UVRAG: variants seen among roughly 807,000 people sequenced by gnomAD.
UVRAG encodes the protein UV radiation resistance-associated gene protein.
Under a neutral mutation model 78.0 loss-of-function variants are expected in UVRAG, and 19 were observed. That is an observed-to-expected ratio of 0.24 (90% CI 0.17 to 0.36). The LOEUF (loss-of-function observed/expected upper bound fraction) is 0.36. Among genes scored for constraint, UVRAG ranks in the 10% least tolerant of loss-of-function variants. UVRAG has a pLI of 1.00. For synonymous variants in UVRAG, 323 were observed against 324.6 expected, an observed-to-expected ratio of 1.00 and a Z score of 0.05; for missense variants, 740 against 853.8, an observed-to-expected ratio of 0.87 and a Z score of 1.66.
chr11:76,121,151 A>G (rs1952266776), intron 14 of UVRAG, among the ~76,000 whole-genome samples: 1 of 152,200 alleles, frequency 6.6e-6, no homozygotes, highest in Non-Finnish European at 1.5e-5. Flanking sequence ...TTAATAAAGT[A>G]ATTCTTTTTC....
chr11:75,989,000 G>GT (rs1337216067), intron 8 of UVRAG, among the ~76,000 whole-genome samples: 1 of 151,926 alleles, frequency 6.6e-6, no homozygotes, highest in African/African-American at 2.4e-5. Flanking sequence ...CGCTTTATAT[G>GT]TTTTTTCTTC....
chr11:76,128,748 G>C (rs573786169), intron 14 of UVRAG, among the ~76,000 whole-genome samples: 1 of 152,236 alleles, frequency 6.6e-6, no homozygotes, highest in South Asian at 2.1e-4. Context: ...CTCCCAAAGT[G>C]CTGGGACTGC....
intron 13 of UVRAG, among the ~76,000 whole-genome samples, chr11:76,088,381 A>T (rs559233381): frequency 6.6e-6 from 1 of 152,188 alleles, no homozygotes; most frequent in South Asian, 2.1e-4. Flanking sequence ...GAAGTTTGCA[A>T]ATCTGTTATG....
chr11:76,140,904 G>A lies in UVRAG; in HGVS notation c.1591G>A (p.Val531Met). 2 of 1,614,148 alleles carry A rather than the reference G, an allele frequency of 1.2e-6. No homozygotes were observed. Among genetic ancestry groups the A allele is most frequent in the Non-Finnish European group, 1.7e-6 (2 of 1,180,026 alleles). ...TTACAACTCAGCATTAGCCCAGCCT[G>A]TGACCACCGTCCCCTCCATGGGAGA... ...PSYNSALAQP[V>M]TTVPSMGETE... Residue 531 changes from valine to methionine, a missense_variant, in exon 15 of 15, where the codon GTG (valine) becomes ATG (methionine). By Grantham distance (21) the Val-to-Met change is conservative. Coordinates refer to ENST00000356136, the MANE Select transcript of UVRAG (RefSeq NM_003369.4).
At chr11:75,928,961 A>AAAAAAAAAAAAAAAAAAAAAG (rs767893577) in intron 6 of UVRAG, among the ~76,000 whole-genome samples, 1 of 142,934 alleles carries the variant, frequency 7.0e-6, no homozygotes, top group African/African-American at 2.8e-5. Context: ...AAAAAAAAAA[A>AAAAAAAAAAAAAAAAAAAAAG]AAAGAATTGA....
At chr11:76,061,330 T>A (rs1023269684) in intron 12 of UVRAG, among the ~76,000 whole-genome samples, 5 of 152,148 alleles carry the variant, frequency 3.3e-5, no homozygotes, top group African/African-American at 1.2e-4. Context: ...CACTCGGCTC[T>A]CTGTAAAATG....
intron 11 of UVRAG, among the ~76,000 whole-genome samples, chr11:76,010,502 A>G (rs1950031041): frequency 6.6e-6 from 1 of 152,200 alleles, no homozygotes; most frequent in African/African-American, 2.4e-5. Flanking sequence ...CTGGGGGAAG[A>G]GCATTTCTAG....
At chr11:76,042,157 C>T (rs1950658486) in intron 12 of UVRAG, among the ~76,000 whole-genome samples, 1 of 152,040 alleles carries the variant, frequency 6.6e-6, no homozygotes, top group Non-Finnish European at 1.5e-5. Flanking sequence ...ACCTAAATCC[C>T]CTTTAGTAAG....
chr11:75,844,337 C>T (rs935319827), intron 1 of UVRAG, among the ~76,000 whole-genome samples: 1 of 151,850 alleles, frequency 6.6e-6, no homozygotes, highest in African/African-American at 2.4e-5. Context: ...ACGCCATTCT[C>T]CTGCCTCAGC....
At chr11:75,836,671 G>A (rs7101806) in intron 1 of UVRAG, among the ~76,000 whole-genome samples, 27,289 of 152,054 alleles carry the variant, frequency 0.18, 3,556 homozygotes, top group African/African-American at 0.37. Flanking sequence ...TCCTGTGCAT[G>A]TATCAACTTC....
intron 13 of UVRAG, among the ~76,000 whole-genome samples, chr11:76,115,324 AAG>A (rs1404150286): frequency 4.6e-5 from 7 of 152,248 alleles, no homozygotes; most frequent in African/African-American, 1.7e-4. Flanking sequence ...GGTCTGGACA[AAG>A]AGGAACGTTA....
chr11:76,083,647 A>G lies in UVRAG; in HGVS notation c.1305+17859A>G, dbSNP rs112221091. The stretch of plus-strand genomic sequence containing the variant: ...ATACAAAGTTTGCTGAACTATGACC[A>G]CTAAGCTAACCGGGAAGAGGAAATT... On this transcript the variant is annotated intron_variant, in intron 13 of 14. Transcript: ENST00000356136. Among the ~76,000 whole-genome samples, 1,079 of 152,348 alleles carry G rather than the reference A, an allele frequency of 7.1e-3. 17 individuals are homozygous for G. The highest frequency in any genetic ancestry group is 0.025 in the African/African-American group (1,031 of 41,576).
chr11:75,831,413 G>T (rs184304496), intron 1 of UVRAG, among the ~76,000 whole-genome samples: 4 of 152,066 alleles, frequency 2.6e-5, no homozygotes, highest in Non-Finnish European at 5.9e-5. Context: ...ACTTGAACCC[G>T]GGAGGCGGAG....
At chr11:75,833,353 T>A (rs1400905265) in intron 1 of UVRAG, among the ~76,000 whole-genome samples, 1 of 152,180 alleles carries the variant, frequency 6.6e-6, no homozygotes, top group East Asian at 1.9e-4. Flanking sequence ...TTTGCTACAT[T>A]TGCAAGCTTG....
chr11:75,982,419 C>A (rs1264448611), intron 7 of UVRAG, among the ~76,000 whole-genome samples: 1 of 151,662 alleles, frequency 6.6e-6, no homozygotes, highest in Non-Finnish European at 1.5e-5. Flanking sequence ...CCACTGATAT[C>A]ACAGAAAGGA....
At chr11:75,928,668 G>C (rs1030374999) in intron 6 of UVRAG, among the ~76,000 whole-genome samples, 1 of 151,948 alleles carries the variant, frequency 6.6e-6, no homozygotes, top group African/African-American at 2.4e-5. Flanking sequence ...GGCCGGGTGC[G>C]GTGGCTCACG....
At chr11:75,986,226 C>T (rs767570609) in intron 8 of UVRAG, among the ~76,000 whole-genome samples, 7 of 152,124 alleles carry the variant, frequency 4.6e-5, no homozygotes, top group Non-Finnish European at 1.0e-4. Flanking sequence ...ATCTTCTTTA[C>T]AAAACGTTAT....
chr11:75,967,900 A>T (rs1025944862), intron 7 of UVRAG, among the ~76,000 whole-genome samples: 1 of 152,162 alleles, frequency 6.6e-6, no homozygotes, highest in Non-Finnish European at 1.5e-5. Flanking sequence ...ATCTTACAAG[A>T]CTCTGTAAAG....
chr11:75,818,135 A>G (rs1945303001), intron 1 of UVRAG, among the ~76,000 whole-genome samples: 2 of 152,080 alleles, frequency 1.3e-5, no homozygotes, highest in Admixed American at 1.3e-4. Context: ...AAGTCCTCCT[A>G]TGTTCTCTTC....
Sources: allele counts gnomAD v4.1 joint callset (sites outside exome capture counted in the v4.1 genomes callset), GRCh38; gene constraint gnomAD v4.1.1; transcripts MANE v1.5; gene names NCBI Gene and HGNC (gene_info 2026-07-23, HGNC 2026-07-21).